RAD54L2: variants seen among roughly 807,000 people sequenced by gnomAD.
RAD54L2 encodes the protein helicase ARIP4.
RAD54L2 carries 27 observed loss-of-function variants against 138.4 expected under a neutral mutation model. The observed-to-expected ratio is 0.20, with a 90% confidence interval of 0.14 to 0.27. The LOEUF (loss-of-function observed/expected upper bound fraction) is 0.27. RAD54L2 is among the 10% of genes least tolerant of loss of function. The pLI is 1.00. For missense variants in RAD54L2, 1,396 were observed against 1,890.2 expected, an observed-to-expected ratio of 0.74 and a Z score of 4.85; for synonymous variants, 644 against 723.2, an observed-to-expected ratio of 0.89 and a Z score of 1.76.
At chr3:51,578,372 T>C (rs1204038655) in intron 2 of RAD54L2, among the ~76,000 whole-genome samples, 2 of 152,192 alleles carry the variant, frequency 1.3e-5, no homozygotes, top group African/African-American at 2.4e-5. Flanking sequence ...ATATAACTCA[T>C]TTGTGTAATT....
rs1701909521 is a variant in RAD54L2, at chr3:51,666,209, T to TTTTTA, written c.*2789_*2790insTTTTA. 2.4e-5 allele frequency: 3 copies of TTTTTA among 122,754 alleles called. No individual in the cohort carries two copies. The highest frequency in any genetic ancestry group is 9.9e-5 in the African/African-American group (3 of 30,202). The allele number at this position is 122,754 out of a possible 1,614,324, so 7.6% of individuals were successfully genotyped here. Reference sequence around the variant, plus strand: ...TTTTTTTTTTTTTTTTTTTTTTTTTTAAAGAAAATAACCTGAAAACACTTC... The same window carrying TTTTTA: ...TTTTTTTTTTTTTTTTTTTTTTTTTTTTTTAAAAGAAAATAACCTGAAAACACTTC... On this transcript the variant is annotated 3_prime_UTR_variant, in exon 23 of 23. Coordinates refer to ENST00000684192, the MANE Select transcript of RAD54L2 (RefSeq NM_015106.4).
rs1052042194 is a variant in RAD54L2, at chr3:51,638,533, T to C, written c.1860+212T>C. The C allele has an allele frequency of 1.8e-6, 1 of 570,552 alleles. No individual in the cohort carries two copies. Among genetic ancestry groups the C allele is most frequent in the African/African-American group, 1.9e-5 (1 of 53,668 alleles). 35.3% of individuals were successfully genotyped at this position (570,552 alleles called of 1,614,324 possible). On this transcript the variant is annotated intron_variant, in intron 12 of 22. Transcript: ENST00000684192. This position sits in a 1 kb window ranked among gnomAD's most constrained non-coding sequence, Gnocchi z 4.3. ...GGGGTGCCATTCACACAGTGTAATA[T>C]AACTGATGCCCCCTGCAGTGTGCAA...
intron 19 of RAD54L2, among the ~76,000 whole-genome samples, chr3:51,648,116 C>T (rs887160353): frequency 6.6e-6 from 1 of 152,208 alleles, no homozygotes; most frequent in South Asian, 2.1e-4. Context: ...TTCCAACGGT[C>T]TTAGCAAACG....
chr3:51,663,148 A>G lies in RAD54L2; in HGVS notation c.4132A>G (p.Ile1378Val). Residue 1378 changes from isoleucine (I) to valine (V), a missense_variant, in exon 23 of 23, where the codon ATA becomes GTA. This residue lies in a region of RAD54L2 where 634 missense variants were observed against 711.2 expected (regional missense o/e 0.89). Coordinates refer to ENST00000684192, the MANE Select transcript of RAD54L2 (RefSeq NM_015106.4). ...CATGCTCAACCCTTCTGTGCCAGGG[A>G]TACTACCCAGCTATTCACTCCCATT... ...SFMLNPSVPG[I>V]LPSYSLPFSQ... 6.2e-7 allele frequency: 1 copy of G among 1,613,846 alleles called. No homozygotes were observed. Among genetic ancestry groups the G allele is most frequent in the Non-Finnish European group, 8.5e-7 (1 of 1,179,850 alleles).
chr3:51,599,040 G>A (rs1700028884), intron 3 of RAD54L2, among the ~76,000 whole-genome samples: 1 of 152,170 alleles, frequency 6.6e-6, no homozygotes, highest in Non-Finnish European at 1.5e-5. Flanking sequence ...GCAGTCTTGT[G>A]ACTGAGCACT....
chr3:51,617,816 C>T (rs1444237230), intron 3 of RAD54L2, among the ~76,000 whole-genome samples: 1 of 152,210 alleles, frequency 6.6e-6, no homozygotes, highest in Non-Finnish European at 1.5e-5. Flanking sequence ...GAGTTTCAGG[C>T]TGCAGTGAGT....
intron 2 of RAD54L2, among the ~76,000 whole-genome samples, chr3:51,567,067 C>T (rs550496482): frequency 1.3e-5 from 2 of 152,180 alleles, no homozygotes; most frequent in Admixed American, 6.5e-5. Context: ...TCCTTTTTAG[C>T]TTTTTTGAGC....
chr3:51,539,341 C>T (rs1649405783), intron 1 of RAD54L2, among the ~76,000 whole-genome samples: 1 of 152,088 alleles, frequency 6.6e-6, no homozygotes, highest in African/African-American at 2.4e-5. Context: ...TCTCCCCGAC[C>T]CCCTCTCCTG....
At chr3:51,648,483 C>CAGTCT (rs1701343474) in intron 19 of RAD54L2, among the ~76,000 whole-genome samples, 1 of 152,230 alleles carries the variant, frequency 6.6e-6, no homozygotes. Flanking sequence ...TGAGAATGGA[C>CAGTCT]AGTCTGCCTC....
chr3:51,616,701 G>T lies in RAD54L2; in HGVS notation c.140-10852G>T, dbSNP rs547768202. Among the ~76,000 whole-genome samples, 156 of 152,204 alleles carry T rather than the reference G, an allele frequency of 1.0e-3. 1 individual carries two copies. The highest frequency in any genetic ancestry group is 1.4e-3 in the Non-Finnish European group (93 of 68,006). ...AAATTAGCTGGGCTTGGTGGTAGGC[G>T]CCTGTAATCCCAGCCACTTGGGAGG... is the stretch of plus-strand genomic sequence containing the variant. On this transcript the variant is annotated intron_variant, in intron 3 of 22. Transcript: ENST00000684192.
intron 3 of RAD54L2, among the ~76,000 whole-genome samples, chr3:51,620,185 C>A (rs1323824993): frequency 6.6e-6 from 1 of 151,682 alleles, no homozygotes; most frequent in Non-Finnish European, 1.5e-5. Context: ...GTAGCCTCAA[C>A]TTCCTGGGCT....
chr3:51,608,795 C>T (rs1467321666), intron 3 of RAD54L2, among the ~76,000 whole-genome samples: 3 of 152,010 alleles, frequency 2.0e-5, no homozygotes, highest in Non-Finnish European at 4.4e-5. Context: ...AGCCTCGGCT[C>T]GGCATCAGAG....
chr3:51,569,772 G>T (rs1699296416), intron 2 of RAD54L2, among the ~76,000 whole-genome samples: 1 of 152,090 alleles, frequency 6.6e-6, no homozygotes, highest in South Asian at 2.1e-4. Flanking sequence ...GCATCATAGT[G>T]CCTGGCACAG....
At position 51,630,791 on chromosome 3, in the gene RAD54L2, G is replaced by C; in HGVS notation, c.685G>C (p.Glu229Gln). The C allele has an allele frequency of 6.2e-7, 1 of 1,614,032 alleles. No homozygotes were observed. The change falls in exon 7 of 23, where the codon GAG becomes CAG. Residue 229 changes from glutamate (E) to glutamine (Q), a missense_variant. Coordinates refer to ENST00000684192, the MANE Select transcript of RAD54L2 (RefSeq NM_015106.4). Reference sequence around the variant, plus strand: ...TGTCAGTGAAGATGATGAGGAAGAAGAGAAGGGTGGCACCCATGTCAATGA... The same window carrying C: ...TGTCAGTGAAGATGATGAGGAAGAACAGAAGGGTGGCACCCATGTCAATGA... ...ESVSEDDEEEEKGGTHVNDVL... is the reference protein window; with the variant it reads ...ESVSEDDEEEQKGGTHVNDVL...
Position 51,627,634 on chromosome 3 carries a change from C to T in RAD54L2, c.221C>T (p.Thr74Ile). The change falls in exon 4 of 23, where the codon ACT becomes ATT. Residue 74 changes from threonine to isoleucine, a missense_variant. By Grantham distance (89) the Thr-to-Ile change is moderately conservative. Transcript: ENST00000684192. ...DGQQPPRCTS[T>I]TSSQSEPSEQ... ...CAGCAGCCGCCGCGGTGCACTTCAA[C>T]TACCTCATCTCAGTCTGAGCCTTCA... 6.3e-7 allele frequency: 1 copy of T among 1,590,432 alleles called. No homozygotes were observed. Among genetic ancestry groups the T allele is most frequent in the Non-Finnish European group, 8.6e-7 (1 of 1,168,932 alleles).
At chr3:51,582,171 G>A (rs1297082897) in intron 2 of RAD54L2, among the ~76,000 whole-genome samples, 1 of 152,086 alleles carries the variant, frequency 6.6e-6, no homozygotes, top group Non-Finnish European at 1.5e-5. Context: ...CTTCTCAAAA[G>A]TCCTGAGATA....
At chr3:51,587,652 T>C (rs1227687492) in intron 2 of RAD54L2, among the ~76,000 whole-genome samples, 2 of 152,212 alleles carry the variant, frequency 1.3e-5, no homozygotes, top group African/African-American at 4.8e-5. Context: ...GTAATTCCTG[T>C]TATTTCTAAC....
chr3:51,569,020 C>T (rs1699277721), intron 2 of RAD54L2, among the ~76,000 whole-genome samples: 1 of 152,120 alleles, frequency 6.6e-6, no homozygotes, highest in Non-Finnish European at 1.5e-5. Flanking sequence ...GTTAAGGTTT[C>T]ACTTATGTAG....
rs1026098029 is a variant in RAD54L2 at position 51,667,982 on chromosome 3, A to T, written c.*4562A>T. On this transcript the variant is annotated 3_prime_UTR_variant, in exon 23 of 23. Coordinates refer to ENST00000684192, the MANE Select transcript of RAD54L2 (RefSeq NM_015106.4). ...GGAGGTTTGGGTACTCTCTGCTGCC[A>T]CTACTGGGATGATATTCAGAAGAGA... 3 of 152,180 alleles carry T rather than the reference A, an allele frequency of 2.0e-5. No individual in the cohort carries two copies. The highest frequency in any genetic ancestry group is 2.9e-5 in the Non-Finnish European group (2 of 68,118). 9.4% of individuals were successfully genotyped at this position (152,180 alleles called of 1,614,324 possible). A position where few individuals can be genotyped will look rare whatever the true frequency, so the allele number is the denominator to read the frequency against.
Sources: gnomAD v4.1 joint callset for allele counts (sites outside exome capture counted in the v4.1 genomes callset) on GRCh38, gnomAD v4.1.1 for gene constraint, gnomAD v4.1.1 regional missense constraint, Gnocchi (gnomAD v3.1) non-coding constraint, MANE v1.5 for transcripts, NCBI Gene and HGNC (gene_info 2026-07-23, HGNC 2026-07-21) for gene names.